The following ANKRD62 variants were observed in gnomAD, a reference collection of about 807,000 sequenced individuals.
The protein encoded by ANKRD62 is ankyrin repeat domain 62, also known as ankyrin repeat domain-containing protein 62.
A neutral mutation model predicts 98.8 loss-of-function variants in ANKRD62; 61 were observed. The observed-to-expected ratio is 0.62, with a 90% CI of 0.50 to 0.76. ANKRD62 has a LOEUF of 0.76. Among genes scored for constraint, ANKRD62 ranks in the 30% least tolerant of loss-of-function variants. ANKRD62 has a pLI of 0.00. For synonymous variants in ANKRD62, 341 were observed against 367.9 expected (o/e 0.93, Z 0.84); for missense variants, 933 against 1,082.9 (o/e 0.86, Z 1.94).
At chr18:12,120,559 G>A (rs537529699) in intron 10 of ANKRD62, among the ~76,000 whole-genome samples, 8 of 152,176 alleles carry the variant, frequency 5.3e-5, no homozygotes, top group African/African-American at 9.6e-5. Context: ...GCATGTAATT[G>A]GGTATTGCTT....
intron 3 of ANKRD62, 134 bp downstream of exon 3, chr18:12,095,744 T>A: frequency 2.5e-6 from 2 of 814,638 alleles, no homozygotes; most frequent in African/African-American, 1.7e-5. Flanking sequence ...TACATACAAC[T>A]ATTTAAAAAT....
intron 11 of ANKRD62, among the ~76,000 whole-genome samples, chr18:12,123,427 T>C (rs1198279627): frequency 1.3e-5 from 2 of 152,208 alleles, no homozygotes; most frequent in Admixed American, 1.3e-4. Flanking sequence ...TGAACATCTG[T>C]CTCTGCTACA....
At chr18:12,139,246 C>CA in the ANKRD62 span, among the ~76,000 whole-genome samples, 1 of 152,108 alleles carries the variant, frequency 6.6e-6, no homozygotes, top group South Asian at 2.1e-4. Context: ...CTGGTGGTGA[C>CA]AAAATCTCTC....
chr18:12,104,982 G>A (rs1909382715), intron 7 of ANKRD62, among the ~76,000 whole-genome samples: 1 of 152,070 alleles, frequency 6.6e-6, no homozygotes, highest in Non-Finnish European at 1.5e-5. Flanking sequence ...AAGTACAAAA[G>A]CAAGGAACCC....
chr18:12,128,575 C>T lies in ANKRD62; in HGVS notation c.*636C>T, dbSNP rs891402498. ...GTGGGTCAAGTGGGCATTTTGACAA[C>T]GTGGCTTCTCCTTTGGCATGTCAAT... On this transcript the variant is annotated 3_prime_UTR_variant, in exon 14 of 14. Coordinates refer to ENST00000587848, the MANE Select transcript of ANKRD62 (RefSeq NM_001277333.2). 1.3e-5 allele frequency: 2 copies of T among 152,202 alleles called. No homozygotes were observed. The highest frequency in any genetic ancestry group is 1.9e-4 in the East Asian group (1 of 5,194). The allele number at this position is 152,202 out of a possible 1,614,324, so 9.4% of individuals were successfully genotyped here. A position where few individuals can be genotyped will look rare whatever the true frequency, so the allele number is the denominator to read the frequency against.
the ANKRD62 span, among the ~76,000 whole-genome samples, chr18:12,174,010 T>C: frequency 4.5e-4 from 68 of 152,278 alleles, no homozygotes; most frequent in Middle Eastern, 3.4e-3. Context: ...TGGCATTCTG[T>C]ACATTTCCTA....
At chr18:12,097,607 T>C in intron 4 of ANKRD62, 33 bp from the exon 5 acceptor site, 1 of 1,514,896 alleles carries the variant, frequency 6.6e-7, no homozygotes, top group South Asian at 1.2e-5. Flanking sequence ...TTTGCTAAAG[T>C]TCCTAAGCAT....
At position 12,115,997 on chromosome 18, in the gene ANKRD62, C is replaced by A. The variant is rs775485497; in HGVS notation, c.1240+463C>A. Among the ~76,000 whole-genome samples, 4 of 152,156 alleles carry A rather than the reference C, an allele frequency of 2.6e-5. No homozygotes were observed. The East Asian group carries it at 7.7e-4, about 29-fold the overall frequency. On this transcript the variant is annotated intron_variant, in intron 10 of 13. Coordinates refer to ENST00000587848, the MANE Select transcript of ANKRD62 (RefSeq NM_001277333.2). ...TTGCTATAAGGTAAAGATGACAATG[C>A]TCTAGCTTTATACTGCTTCATTCCA... is the stretch of plus-strand genomic sequence containing the variant.
At chr18:12,171,559 G>A in the ANKRD62 span, among the ~76,000 whole-genome samples, 1 of 152,154 alleles carries the variant, frequency 6.6e-6, no homozygotes, top group Non-Finnish European at 1.5e-5. Flanking sequence ...TTTCTCTCTG[G>A]CTGCTCTCAG....
At chr18:12,109,353 G>A (rs993170830) in intron 8 of ANKRD62, among the ~76,000 whole-genome samples, 3 of 152,188 alleles carry the variant, frequency 2.0e-5, no homozygotes, top group Admixed American at 6.5e-5. Context: ...ACTCTCTAAA[G>A]CAACAGCCTG....
At chr18:12,116,642 G>C (rs1909671335) in intron 10 of ANKRD62, among the ~76,000 whole-genome samples, 1 of 152,140 alleles carries the variant, frequency 6.6e-6, no homozygotes, top group South Asian at 2.1e-4. Context: ...TTTGGTTACT[G>C]TTGATGTATA....
At chr18:12,150,821 C>G in the ANKRD62 span, among the ~76,000 whole-genome samples, 1 of 152,132 alleles carries the variant, frequency 6.6e-6, no homozygotes, top group Non-Finnish European at 1.5e-5. Context: ...TATAGAAAGA[C>G]CACCACCAGC....
At chr18:12,141,088 C>G in the ANKRD62 span, among the ~76,000 whole-genome samples, 636 of 152,346 alleles carry the variant, frequency 4.2e-3, 9 homozygotes, top group African/African-American at 0.014. Flanking sequence ...TGCCGCCTTG[C>G]AGTTTGATCT....
the ANKRD62 span, among the ~76,000 whole-genome samples, chr18:12,150,098 AC>A: frequency 1.3e-5 from 2 of 152,256 alleles, no homozygotes; most frequent in African/African-American, 4.8e-5. Context: ...AAAAAAAAAC[AC>A]CACCACCACT....
intron 5 of ANKRD62, chr18:12,098,390 A>G (rs1909227477): frequency 2.6e-5 from 4 of 152,270 alleles, no homozygotes; most frequent in South Asian, 4.1e-4. Flanking sequence ...AGCTTCATCC[A>G]TGACTGATCA....
At chr18:12,169,514 T>G in the ANKRD62 span, among the ~76,000 whole-genome samples, 1 of 152,234 alleles carries the variant, frequency 6.6e-6, no homozygotes, top group African/African-American at 2.4e-5. Flanking sequence ...CTTTTTGATG[T>G]GCTGCTGGTT....
the ANKRD62 span, among the ~76,000 whole-genome samples, chr18:12,139,401 T>C: frequency 2.6e-5 from 4 of 152,094 alleles, no homozygotes; most frequent in Non-Finnish European, 4.4e-5. Context: ...TCACAGCACT[T>C]TGGGAGGTTG....
rs1014329954 is a variant in ANKRD62, at chr18:12,127,784, G to T, written c.2599G>T (p.Ala867Ser). 1.3e-6 allele frequency: 2 copies of T among 1,482,254 alleles called. No individual in the cohort carries two copies. The highest frequency in any genetic ancestry group is 2.8e-5 in the African/African-American group (2 of 71,122). The allele number at this position is 1,482,254 out of a possible 1,614,324, so 91.8% of individuals were successfully genotyped here. A position where few individuals can be genotyped will look rare whatever the true frequency, so the allele number is the denominator to read the frequency against. The change falls in exon 14 of 14, where the codon GCC (alanine) becomes TCC (serine). Residue 867 changes from alanine to serine, a missense_variant. Physicochemically the swap from Ala to Ser is moderately conservative, Grantham distance 99. Coordinates refer to ENST00000587848, the MANE Select transcript of ANKRD62 (RefSeq NM_001277333.2). ...ACAGCTTCAACGAGAAGTGGATGAT[G>T]CCCTGAACAAACAATTGCTGTTAGA... ...RRQLQREVDD[A>S]LNKQLLLEAM...
chr18:12,137,607 A>T, the ANKRD62 span, among the ~76,000 whole-genome samples: 1 of 152,286 alleles, frequency 6.6e-6, no homozygotes, highest in South Asian at 2.1e-4. Context: ...TGGTTGCAAT[A>T]GTTTCAGAAG....
Sources: gnomAD v4.1 joint callset for allele counts (sites outside exome capture counted in the v4.1 genomes callset) on GRCh38, gnomAD v4.1.1 for gene constraint, MANE v1.5 for transcripts, NCBI Gene and HGNC (gene_info 2026-07-23, HGNC 2026-07-21) for gene names.